EPRS1: variants seen among roughly 807,000 people sequenced by gnomAD.
EPRS1 encodes bifunctional glutamate/proline--tRNA ligase.
EPRS1 carries 107 observed loss-of-function variants against 188.3 expected under a neutral mutation model. The observed-to-expected ratio is 0.57, with a 90% CI of 0.49 to 0.67. EPRS1 has a LOEUF of 0.67. Ranked by LOEUF, EPRS1 falls within the 30% of genes least tolerant of loss-of-function variation. EPRS1 has a pLI of 0.00. For missense variants in EPRS1, 1,577 were observed against 1,802.2 expected (o/e 0.88, Z 2.26); for synonymous variants, 596 against 593.1 (o/e 1.00, Z -0.07).
intron 11 of EPRS1, 80 bp from the exon 12 acceptor site, chr1:220,018,588 T>TATAA: frequency 1.7e-6 from 1 of 575,608 alleles, no homozygotes; most frequent in Non-Finnish European, 2.7e-6. Flanking sequence ...TAAGCATGTT[T>TATAA]AGAAAAAAAA....
At chr1:219,979,743 A>G in intron 26 of EPRS1, 128 bp from the exon 27 acceptor site, 2 of 657,874 alleles carry the variant, frequency 3.0e-6, no homozygotes, top group Non-Finnish European at 5.1e-6. Flanking sequence ...ACATTAAATA[A>G]GGTTTTTAAT....
intron 16 of EPRS1, among the ~76,000 whole-genome samples, chr1:220,004,713 G>A (rs1450577089): frequency 2.6e-5 from 4 of 152,018 alleles, no homozygotes; most frequent in East Asian, 1.9e-4. Flanking sequence ...CAGGAGAGGC[G>A]TTTTGACTAC....
intron 5 of EPRS1, 69 bp downstream of exon 5, chr1:220,032,318 C>A: frequency 7.8e-7 from 1 of 1,285,010 alleles, no homozygotes; most frequent in Non-Finnish European, 1.1e-6. Flanking sequence ...AATCTCCTGA[C>A]CTTGTGATCC....
intron 2 of EPRS1, 54 bp downstream of exon 2, chr1:220,040,131 T>C (rs896130031): frequency 3.5e-5 from 43 of 1,222,970 alleles, no homozygotes; most frequent in Non-Finnish European, 5.1e-5. Flanking sequence ...AAAAAAACTC[T>C]AAAAAAAAGA....
chr1:219,987,537 G>T, intron 19 of EPRS1, 133 bp from the exon 20 acceptor site: 6 of 734,532 alleles, frequency 8.2e-6, no homozygotes, highest in Non-Finnish European at 1.3e-5. Flanking sequence ...TGCCCAGGTG[G>T]TGATAAGGTT....
In EPRS1 at chr1:219,971,668, T is replaced by C. The variant is rs1660665446; in HGVS notation, c.4323+401A>G. On this transcript the variant is annotated intron_variant, in intron 30 of 31. Coordinates refer to ENST00000366923, the MANE Select transcript of EPRS1 (RefSeq NM_004446.3). Reference sequence around the variant, plus strand: ...GGAGACATACAGAATTAATGTTCTTTAGAAAGTAGCATATCAAACATGGGG... The same window carrying C: ...GGAGACATACAGAATTAATGTTCTTCAGAAAGTAGCATATCAAACATGGGG... 3.3e-5 allele frequency among the ~76,000 whole-genome samples: 5 copies of C among 151,618 alleles called. No individual in the cohort carries two copies. The South Asian group carries it at 1.0e-3, about 31-fold the overall frequency.
intron 13 of EPRS1, among the ~76,000 whole-genome samples, chr1:220,008,355 C>T (rs961889169): frequency 4.7e-5 from 7 of 150,102 alleles, no homozygotes; most frequent in Non-Finnish European, 7.4e-5. Flanking sequence ...AAAAGAGATG[C>T]GGAGAATAAA....
At chr1:219,986,869 G>A (rs2102567744) in intron 20 of EPRS1, among the ~76,000 whole-genome samples, 1 of 152,154 alleles carries the variant, frequency 6.6e-6, no homozygotes, top group East Asian at 1.9e-4. Context: ...ACTGTTAACA[G>A]TGGCTACTGA....
intron 12 of EPRS1, among the ~76,000 whole-genome samples, chr1:220,013,038 T>C (rs1158104075): frequency 6.6e-6 from 1 of 152,194 alleles, no homozygotes; most frequent in Non-Finnish European, 1.5e-5. Context: ...AATTATATTA[T>C]ACTACTGAAA....
intron 2 of EPRS1, among the ~76,000 whole-genome samples, chr1:220,038,551 C>CT (rs1225517029): frequency 4.6e-5 from 7 of 150,944 alleles, no homozygotes; most frequent in Non-Finnish European, 7.4e-5. Context: ...AATTTTTCCT[C>CT]TTTTTTTTGT....
rs376188553 is a variant in EPRS1, at chr1:219,988,420, T to C, written c.2775+170A>G. ...TATGAAAACATCCAATCAAATCTAG[T>C]TGGCGTAAGAAACAATCAACAAAGT... On this transcript the variant is annotated intron_variant, in intron 19 of 31. Coordinates refer to ENST00000366923, the MANE Select transcript of EPRS1 (RefSeq NM_004446.3). Among the ~76,000 whole-genome samples, 75 of 152,146 alleles carry C rather than the reference T, an allele frequency of 4.9e-4. 1 individual carries two copies. In the South Asian group the frequency reaches 0.013, roughly 26 times the overall value.
At chr1:220,040,909 T>C (rs1662279523) in intron 1 of EPRS1, among the ~76,000 whole-genome samples, 1 of 151,316 alleles carries the variant, frequency 6.6e-6, no homozygotes, top group East Asian at 1.9e-4. Context: ...ATGTTGACCT[T>C]GGATTTTTAA....
intron 1 of EPRS1, 149 bp downstream of exon 1, chr1:220,046,194 T>C: frequency 1.1e-6 from 1 of 901,916 alleles, no homozygotes; most frequent in East Asian, 2.7e-5. Flanking sequence ...GTGCGGAGCC[T>C]CCTCCACGTA....
intron 13 of EPRS1, among the ~76,000 whole-genome samples, chr1:220,007,840 C>T (rs1012685206): frequency 1.3e-5 from 2 of 152,226 alleles, no homozygotes; most frequent in Non-Finnish European, 1.5e-5. Flanking sequence ...CACTGCTTCG[C>T]TGGGCATGGT....
At chr1:220,038,579 A>G (rs1307966814) in intron 2 of EPRS1, among the ~76,000 whole-genome samples, 2 of 149,468 alleles carry the variant, frequency 1.3e-5, no homozygotes, top group African/African-American at 4.9e-5. Flanking sequence ...GGATTTTACT[A>G]TGTTGCCCAG....
At chr1:219,988,532 A>C in intron 19 of EPRS1, 58 bp downstream of exon 19, 3 of 1,198,520 alleles carry the variant, frequency 2.5e-6, no homozygotes, top group Non-Finnish European at 3.6e-6. Flanking sequence ...CACTTGAGGC[A>C]AAGACAATAC....
Position 219,968,953 on chromosome 1 carries a change from A to C in EPRS1, c.4392T>G (p.Asp1464Glu). 1 of 1,614,046 alleles carries C rather than the reference A, an allele frequency of 6.2e-7. No homozygotes were observed. The highest frequency in any genetic ancestry group is 1.1e-5 in the South Asian group (1 of 91,076). Residue 1464 changes from aspartate (D) to glutamate (E), a missense_variant, in exon 32 of 32, where the codon GAT (aspartate) becomes GAG (glutamate). By Grantham distance (45) the Asp-to-Glu change is conservative. This residue lies in a region of EPRS1 where 296 missense variants were observed against 327.9 expected (regional missense o/e 0.90). Coordinates refer to ENST00000366923, the MANE Select transcript of EPRS1 (RefSeq NM_004446.3). ...ATGGAGCACCAGGTTCAAGATCTTG[A>C]TCCCTGAAATTAATAACAAATAAGA... ...EDWIKKTTAR[D>E]QDLEPGAPSM...
At chr1:220,005,742 T>C (rs1174510347) in intron 15 of EPRS1, among the ~76,000 whole-genome samples, 1 of 152,134 alleles carries the variant, frequency 6.6e-6, no homozygotes, top group African/African-American at 2.4e-5. Flanking sequence ...ATTTACTGTT[T>C]GTCCTCAGGT....
chr1:220,032,568 G>A, intron 4 of EPRS1, 42 bp from the exon 5 acceptor site: 1 of 1,600,588 alleles, frequency 6.2e-7, no homozygotes, highest in South Asian at 1.1e-5. Flanking sequence ...TAAATCTGCA[G>A]CTTCAAAAGC....
Sources: gnomAD v4.1 joint callset for allele counts (sites outside exome capture counted in the v4.1 genomes callset) on GRCh38, gnomAD v4.1.1 for gene constraint, gnomAD v4.1.1 regional missense constraint, MANE v1.5 for transcripts, NCBI Gene and HGNC (gene_info 2026-07-23, HGNC 2026-07-21) for gene names.